COL26A1: variants seen among roughly 807,000 people sequenced by gnomAD.
COL26A1 encodes collagen alpha-1(XXVI) chain.
COL26A1 carries 41 observed loss-of-function variants against 59.3 expected under a neutral mutation model. The ratio of observed to expected loss-of-function variants is 0.69; its 90% CI spans 0.54 to 0.90. The LOEUF (loss-of-function observed/expected upper bound fraction) is 0.90. Among genes scored for constraint, COL26A1 ranks in the 40% least tolerant of loss-of-function variants. COL26A1 has a pLI of 0.00. For synonymous variants in COL26A1, 266 were observed against 256.0 expected (o/e 1.04, Z -0.37); for missense variants, 612 against 602.3 (o/e 1.02, Z -0.17).
intron 1 of COL26A1, among the ~76,000 whole-genome samples, chr7:101,371,852 G>A (rs1364837701): frequency 6.6e-6 from 1 of 152,062 alleles, no homozygotes; most frequent in Non-Finnish European, 1.5e-5. Flanking sequence ...GACTGGTTGG[G>A]GAAAACAGAT....
chr7:101,460,168 T>C (rs557262763), intron 3 of COL26A1, among the ~76,000 whole-genome samples: 1 of 152,116 alleles, frequency 6.6e-6, no homozygotes, highest in South Asian at 2.1e-4. Flanking sequence ...TTGGATCACA[T>C]TGATGAATAA....
intron 2 of COL26A1, among the ~76,000 whole-genome samples, chr7:101,430,491 A>G (rs1259242254): frequency 1.3e-5 from 2 of 151,532 alleles, no homozygotes. Context: ...GGGTTTCACC[A>G]TGTTGGTCAG....
At chr7:101,501,199 AAAGAAAAG>A (rs1462234402) in intron 3 of COL26A1, among the ~76,000 whole-genome samples, 97 of 129,836 alleles carry the variant, frequency 7.5e-4, no homozygotes, top group South Asian at 3.7e-3. Flanking sequence ...AAAAAAAAAA[AAAGAAAAG>A]AAAAGAAAAG....
At chr7:101,549,625 A>G (rs1795819269) in intron 9 of COL26A1, among the ~76,000 whole-genome samples, 1 of 152,150 alleles carries the variant, frequency 6.6e-6, no homozygotes, top group Non-Finnish European at 1.5e-5. Context: ...CAAGTAATCC[A>G]TCCGCCTCAG....
chr7:101,387,730 A>G (rs1343111052), intron 1 of COL26A1, among the ~76,000 whole-genome samples: 3 of 86,580 alleles, frequency 3.5e-5, no homozygotes, highest in African/African-American at 7.2e-5. Context: ...ATATATTTTA[A>G]TATAATTATA....
chr7:101,419,779 G>A (rs1334968753), intron 1 of COL26A1, among the ~76,000 whole-genome samples, 198 bp from the exon 2 acceptor site: 1 of 152,176 alleles, frequency 6.6e-6, no homozygotes, highest in African/African-American at 2.4e-5. Flanking sequence ...ATGATGCCAG[G>A]GCTTGGTGGC....
chr7:101,553,053 T>C lies in COL26A1; in HGVS notation c.1030-273T>C, dbSNP rs866547502. ...GCATGAACTTGCCGGCTTCCTAGCC[T>C]GAGTCTCTTCTGCCCCAGAAGCAGA... On this transcript the variant is annotated intron_variant, in intron 10 of 12. Coordinates refer to ENST00000313669, the MANE Select transcript of COL26A1 (RefSeq NM_001278563.3). The C allele has an allele frequency of 5.9e-5, 19 of 321,122 alleles. 1 individual carries two copies. Among genetic ancestry groups the C allele is most frequent in the African/African-American group, 3.4e-4 (16 of 47,252 alleles). The allele number at this position is 321,122 out of a possible 1,614,324, so 19.9% of individuals were successfully genotyped here. A position where few individuals can be genotyped will look rare whatever the true frequency, so the allele number is the denominator to read the frequency against.
At chr7:101,477,286 C>A (rs79154338) in intron 3 of COL26A1, among the ~76,000 whole-genome samples, 1 of 151,950 alleles carries the variant, frequency 6.6e-6, no homozygotes, top group Non-Finnish European at 1.5e-5. Flanking sequence ...GTGGGATATG[C>A]GTGCTGTGTG....
chr7:101,412,326 G>A (rs529339358), intron 1 of COL26A1, among the ~76,000 whole-genome samples: 129 of 152,100 alleles, frequency 8.5e-4, no homozygotes, highest in African/African-American at 2.9e-3. Flanking sequence ...GGAAGTTTAC[G>A]CATAAACCAC....
chr7:101,458,135 A>G (rs1463908521), intron 3 of COL26A1, among the ~76,000 whole-genome samples: 3 of 152,008 alleles, frequency 2.0e-5, no homozygotes, highest in South Asian at 2.1e-4. Flanking sequence ...AGCTCAAGCA[A>G]TCTGCCTGGC....
chr7:101,464,614 T>G (rs894847952), intron 3 of COL26A1, among the ~76,000 whole-genome samples: 14 of 152,024 alleles, frequency 9.2e-5, no homozygotes, highest in South Asian at 6.2e-4. Flanking sequence ...TTTCTCCATG[T>G]TGGTCAGGCT....
intron 3 of COL26A1, among the ~76,000 whole-genome samples, chr7:101,454,835 G>C (rs1793431622): frequency 6.6e-6 from 1 of 152,096 alleles, no homozygotes; most frequent in South Asian, 2.1e-4. Context: ...ACACAGGTAA[G>C]ACAAGGTTAT....
At chr7:101,371,445 T>C (rs1026611250) in intron 1 of COL26A1, among the ~76,000 whole-genome samples, 5 of 151,680 alleles carry the variant, frequency 3.3e-5, no homozygotes, top group African/African-American at 1.2e-4. Flanking sequence ...GCCCAGGAGT[T>C]TGAGACCAGC....
chr7:101,486,377 T>C (rs1318380504), intron 3 of COL26A1, among the ~76,000 whole-genome samples: 5 of 152,192 alleles, frequency 3.3e-5, no homozygotes, highest in African/African-American at 1.2e-4. Context: ...TAGGGAGCTC[T>C]GAAGCCCGGT....
At chr7:101,405,989 G>T (rs897338448) in intron 1 of COL26A1, among the ~76,000 whole-genome samples, 1 of 152,174 alleles carries the variant, frequency 6.6e-6, no homozygotes, top group Non-Finnish European at 1.5e-5. Flanking sequence ...CTGAGAGGCT[G>T]GTGGCACGGC....
chr7:101,374,645 C>G (rs777849634), intron 1 of COL26A1, among the ~76,000 whole-genome samples: 5 of 152,232 alleles, frequency 3.3e-5, no homozygotes, highest in Non-Finnish European at 7.3e-5. Context: ...TGTCTCCCAT[C>G]ACCCCCAGAT....
chr7:101,438,562 G>A (rs1270126459), intron 2 of COL26A1, among the ~76,000 whole-genome samples: 3 of 151,574 alleles, frequency 2.0e-5, no homozygotes, highest in African/African-American at 7.3e-5. Flanking sequence ...CACAGTCTCT[G>A]GTGGACTCAG....
intron 4 of COL26A1, among the ~76,000 whole-genome samples, 198 bp from the exon 5 acceptor site, chr7:101,539,695 A>G (rs1443425731): frequency 6.6e-6 from 1 of 152,112 alleles, no homozygotes; most frequent in Non-Finnish European, 1.5e-5. Flanking sequence ...GACTTTCCTG[A>G]TGTCAGAAGG....
At chr7:101,457,586 G>A (rs947542908) in intron 3 of COL26A1, among the ~76,000 whole-genome samples, 6 of 152,152 alleles carry the variant, frequency 3.9e-5, no homozygotes, top group African/African-American at 9.7e-5. Flanking sequence ...GACCCCCAGC[G>A]TGTGAGGTTA....
Sources: gnomAD v4.1 joint callset for allele counts (sites outside exome capture counted in the v4.1 genomes callset) on GRCh38, gnomAD v4.1.1 for gene constraint, MANE v1.5 for transcripts, NCBI Gene and HGNC (gene_info 2026-07-23, HGNC 2026-07-21) for gene names.